PIK3R5: variants seen among roughly 807,000 people sequenced by gnomAD.
The protein encoded by PIK3R5 is phosphoinositide-3-kinase regulatory subunit 5, also known as phosphoinositide 3-kinase regulatory subunit 5.
A neutral mutation model predicts 94.9 loss-of-function variants in PIK3R5; 32 were observed. The observed-to-expected ratio is 0.34, with a 90% CI of 0.25 to 0.45. The LOEUF is 0.45. Among genes scored for constraint, PIK3R5 ranks in the 20% least tolerant of loss-of-function variants. PIK3R5 has a pLI of 1.00. For missense variants in PIK3R5, 853 were observed against 1,144.6 expected (o/e 0.75, Z 3.68); for synonymous variants, 443 against 479.4 (o/e 0.92, Z 0.99).
rs1341624210 is a variant in PIK3R5 at position 8,890,732 on chromosome 17, A to G, written c.657+6T>C. ...TCCACCAGAGCCCCAGGCCCCAGGT[A>G]CATACCTGTAGCCTGCAGTGCAGGC... On this transcript the variant is annotated splice_donor_region_variant and intron_variant, in intron 7 of 18. Transcript: ENST00000447110. This position sits in a 1 kb window ranked among gnomAD's most constrained non-coding sequence, Gnocchi z 6.1. The G allele has an allele frequency of 6.2e-7, 1 of 1,603,448 alleles. No individual in the cohort carries two copies. The highest frequency in any genetic ancestry group is 8.5e-7 in the Non-Finnish European group (1 of 1,175,234).
intron 5 of PIK3R5, among the ~76,000 whole-genome samples, chr17:8,900,394 T>C (rs2090253844): frequency 6.6e-6 from 1 of 152,212 alleles, no homozygotes; most frequent in Admixed American, 6.5e-5. Context: ...TATTTACGTA[T>C]GTGTGAGGTT....
At chr17:8,958,001 T>C (rs1265732946) in intron 1 of PIK3R5, among the ~76,000 whole-genome samples, 1 of 152,112 alleles carries the variant, frequency 6.6e-6, no homozygotes, top group East Asian at 1.9e-4. Flanking sequence ...AGAGGTCAAA[T>C]TCATTTCATG....
rs532540696 is a variant in PIK3R5 at position 8,879,258 on chromosome 17, G to A, written c.*1381C>T. 4.6e-5 allele frequency: 7 copies of A among 152,350 alleles called. No individual in the cohort carries two copies. The highest frequency in any genetic ancestry group is 1.9e-4 in the East Asian group (1 of 5,190). 9.4% of individuals were successfully genotyped at this position (152,350 alleles called of 1,614,324 possible). ...TTCCGTGGCTACTTTCTCCACATCA[G>A]TCCAGATCCTCGTCTTGACTTCTGC... On this transcript the variant is annotated 3_prime_UTR_variant, in exon 19 of 19. Coordinates refer to ENST00000447110, the MANE Select transcript of PIK3R5 (RefSeq NM_001142633.3). The surrounding 1 kb of genome is among the most constrained non-coding windows in gnomAD (Gnocchi z 4.4).
intron 1 of PIK3R5, among the ~76,000 whole-genome samples, chr17:8,941,282 C>T (rs1469446895): frequency 6.6e-6 from 1 of 152,066 alleles, no homozygotes; most frequent in East Asian, 1.9e-4. Context: ...AGGTGACTCA[C>T]CAGCACATTT....
chr17:8,880,680 G>A lies in PIK3R5; in HGVS notation c.2602C>T (p.Leu868Phe). ...CTGAAAGTCATGATGGGCAGGCAGAGAAGGGAGCAGAGATCAGGTGCGGCC... is the reference window on the plus strand; with the variant it reads ...CTGAAAGTCATGATGGGCAGGCAGAAAAGGGAGCAGAGATCAGGTGCGGCC... ...AQAAPDLCSL[L>F]CLPIMTFSGA... Residue 868 changes from leucine to phenylalanine, a missense_variant, in exon 19 of 19, where the codon CTC becomes TTC. Around this residue, in one of 6 missense-constraint regions of PIK3R5, gnomAD observed 91 missense variants for 90.5 expected, o/e 1.01. Transcript: ENST00000447110. 1 of 1,613,590 alleles carries A rather than the reference G, an allele frequency of 6.2e-7. No individual in the cohort carries two copies.
chr17:8,941,381 A>G (rs1250448177), intron 1 of PIK3R5, among the ~76,000 whole-genome samples: 1 of 152,186 alleles, frequency 6.6e-6, no homozygotes, highest in East Asian at 1.9e-4. Context: ...GAAAGAAAAA[A>G]AGGGGATGTG....
chr17:8,890,973 A>G lies in PIK3R5; in HGVS notation c.483-61T>C. 1 of 1,521,896 alleles carries G rather than the reference A, an allele frequency of 6.6e-7. No homozygotes were observed. The allele number at this position is 1,521,896 out of a possible 1,614,324, so 94.3% of individuals were successfully genotyped here. ...GTGCGCAGCATGCCACAGTGCAGCCACCCCCCTCGTGCCTGCTGGTGCTCA... is the reference window on the plus strand; with the variant it reads ...GTGCGCAGCATGCCACAGTGCAGCCGCCCCCCTCGTGCCTGCTGGTGCTCA... On this transcript the variant is annotated intron_variant, in intron 6 of 18. Transcript: ENST00000447110. The surrounding 1 kb of genome is among the most constrained non-coding windows in gnomAD (Gnocchi z 6.1).
intron 1 of PIK3R5, among the ~76,000 whole-genome samples, chr17:8,944,475 A>G (rs2091240440): frequency 6.6e-6 from 1 of 152,230 alleles, no homozygotes; most frequent in Non-Finnish European, 1.5e-5. Flanking sequence ...TTGTGTGCCC[A>G]TCATCAGAAG....
intron 1 of PIK3R5, among the ~76,000 whole-genome samples, chr17:8,953,880 AG>A (rs2091421896): frequency 6.6e-6 from 1 of 152,120 alleles, no homozygotes; most frequent in Non-Finnish European, 1.5e-5. Flanking sequence ...GGGCTGCCAC[AG>A]TCCTTGGAGG....
chr17:8,901,874 A>G (rs1379100989), intron 5 of PIK3R5, among the ~76,000 whole-genome samples: 1 of 152,220 alleles, frequency 6.6e-6, no homozygotes, highest in African/African-American at 2.4e-5. Flanking sequence ...GTTGATTATT[A>G]GCAAGGATGC....
chr17:8,949,911 A>T (rs1314534176), intron 1 of PIK3R5, among the ~76,000 whole-genome samples: 1 of 152,250 alleles, frequency 6.6e-6, no homozygotes, highest in Non-Finnish European at 1.5e-5. Context: ...ATAAAAATTT[A>T]AAAACAATTT....
At position 8,938,149 on chromosome 17, in the gene PIK3R5, A is replaced by G. The variant is rs547979174; in HGVS notation, c.-13-26642T>C. The stretch of plus-strand genomic sequence containing the variant: ...ATGTTTGGTAGAATTCACCAGTGAA[A>G]CCATCTGGGCCTGAAACTTTTTTGT... On this transcript the variant is annotated intron_variant, in intron 1 of 18. Coordinates refer to ENST00000447110, the MANE Select transcript of PIK3R5 (RefSeq NM_001142633.3). Among the ~76,000 whole-genome samples the G allele has an allele frequency of 5.9e-4, 90 of 152,196 alleles. 1 individual carries two copies. In the South Asian group the frequency reaches 0.013, roughly 21 times the overall value.
chr17:8,942,882 A>G (rs2091209841), intron 1 of PIK3R5, among the ~76,000 whole-genome samples: 1 of 151,852 alleles, frequency 6.6e-6, no homozygotes, highest in Non-Finnish European at 1.5e-5. Flanking sequence ...CTGGGATTAC[A>G]GGTGTGAACC....
chr17:8,889,332 C>T lies in PIK3R5; in HGVS notation c.812-110G>A. The T allele has an allele frequency of 1.3e-6, 1 of 766,932 alleles. No individual in the cohort carries two copies. Among genetic ancestry groups the T allele is most frequent in the Non-Finnish European group, 2.1e-6 (1 of 472,194 alleles). 47.5% of individuals were successfully genotyped at this position (766,932 alleles called of 1,614,324 possible). A position where few individuals can be genotyped will look rare whatever the true frequency, so the allele number is the denominator to read the frequency against. Reference sequence around the variant, plus strand: ...GACCAGAGATGGGACAGGATCGGCACAAGGATATGTAGCTGGATAGGCTGA... The same window carrying T: ...GACCAGAGATGGGACAGGATCGGCATAAGGATATGTAGCTGGATAGGCTGA... On this transcript the variant is annotated intron_variant, in intron 8 of 18. Transcript: ENST00000447110. The surrounding 1 kb of genome is among the most constrained non-coding windows in gnomAD (Gnocchi z 4.1).
chr17:8,883,646 C>T lies in PIK3R5; in HGVS notation c.2205+1061G>A, dbSNP rs147954969. Among the ~76,000 whole-genome samples, 149 of 152,344 alleles carry T rather than the reference C, an allele frequency of 9.8e-4. 2 individuals carry two copies. Among genetic ancestry groups the T allele is most frequent in the African/African-American group, 3.3e-3 (136 of 41,574 alleles). ...TCCAATATTAACTCAGGTGCCTTCT[C>T]AAGGAAGCCTTCACTACTAACTCTC... On this transcript the variant is annotated intron_variant, in intron 15 of 18. Transcript: ENST00000447110.
Position 8,889,978 on chromosome 17 carries a change from A to G in PIK3R5, c.806T>C (p.Val269Ala). Residue 269 changes from valine to alanine, a missense_variant, in exon 8 of 19, where the codon GTG (valine) becomes GCG (alanine). Val to Ala is a moderately conservative substitution (Grantham distance 64). Around this residue, in one of 6 missense-constraint regions of PIK3R5, gnomAD observed 161 missense variants for 249.5 expected, o/e 0.65. Transcript: ENST00000447110. This position sits in a 1 kb window ranked among gnomAD's most constrained non-coding sequence, Gnocchi z 4.1. The part of the protein sequence containing the change: ...AVGEKAGFPG[V>A]LDTAKPGKLH... The stretch of plus-strand genomic sequence containing the variant: ...CATTCTCCCAAGAGCCTCACCTAAC[A>G]CCCCAGGGAAGCCAGCTTTTTCTCC... 1 of 1,612,588 alleles carries G rather than the reference A, an allele frequency of 6.2e-7. No homozygotes were observed. Among genetic ancestry groups the G allele is most frequent in the South Asian group, 1.1e-5 (1 of 91,022 alleles).
At chr17:8,959,603 A>AGGCT (rs1303507656) in intron 1 of PIK3R5, among the ~76,000 whole-genome samples, 1 of 152,182 alleles carries the variant, frequency 6.6e-6, no homozygotes, top group Non-Finnish European at 1.5e-5. Flanking sequence ...CTCCCCCAGG[A>AGGCT]GGCTGGCTGG....
At chr17:8,912,324 A>G (rs576881365) in intron 1 of PIK3R5, 2 of 152,370 alleles carry the variant, frequency 1.3e-5, no homozygotes, top group East Asian at 3.9e-4. Flanking sequence ...CCCAGTGATT[A>G]AGCTTGGCTC....
At chr17:8,947,212 G>A (rs2091288888) in intron 1 of PIK3R5, among the ~76,000 whole-genome samples, 1 of 152,308 alleles carries the variant, frequency 6.6e-6, no homozygotes, top group East Asian at 1.9e-4. Flanking sequence ...ATAGCAGCTT[G>A]GTAGCTGATT....
Sources: gnomAD v4.1 joint callset for allele counts (sites outside exome capture counted in the v4.1 genomes callset) on GRCh38, gnomAD v4.1.1 for gene constraint, gnomAD v4.1.1 regional missense constraint, Gnocchi (gnomAD v3.1) non-coding constraint, MANE v1.5 for transcripts, NCBI Gene and HGNC (gene_info 2026-07-23, HGNC 2026-07-21) for gene names.